The following PAK5 variants were observed in gnomAD, a reference collection of about 807,000 sequenced individuals.
The protein encoded by PAK5 is p21 (RAC1) activated kinase 5, also known as serine/threonine-protein kinase PAK 5.
A neutral mutation model predicts 65.9 loss-of-function variants in PAK5; 16 were observed. The ratio of observed to expected loss-of-function variants is 0.24; its 90% CI spans 0.16 to 0.37. PAK5 has a LOEUF of 0.37. Among genes scored for constraint, PAK5 ranks in the 10% least tolerant of loss-of-function variants. PAK5 has a pLI of 1.00. For synonymous variants in PAK5, 371 were observed against 354.9 expected (o/e 1.05, Z -0.51); for missense variants, 785 against 903.9 (o/e 0.87, Z 1.69).
At chr20:9,832,435 G>T (rs537539106) in intron 1 of PAK5, among the ~76,000 whole-genome samples, 2 of 152,170 alleles carry the variant, frequency 1.3e-5, no homozygotes, top group East Asian at 3.9e-4. Flanking sequence ...ACCACACCCA[G>T]CTATTTTTTT....
intron 3 of PAK5, among the ~76,000 whole-genome samples, chr20:9,606,412 G>A (rs748503206): frequency 2.6e-5 from 4 of 152,176 alleles, no homozygotes; most frequent in Non-Finnish European, 5.9e-5. Flanking sequence ...CCCAGTCTTA[G>A]TTAATTTTTT....
At chr20:9,740,246 G>A (rs1450432154) in intron 1 of PAK5, among the ~76,000 whole-genome samples, 1 of 152,110 alleles carries the variant, frequency 6.6e-6, no homozygotes, top group Non-Finnish European at 1.5e-5. Context: ...GATTAGAAGG[G>A]AGCCTGGCAG....
At chr20:9,835,622 T>C (rs2049454132) in intron 1 of PAK5, among the ~76,000 whole-genome samples, 1 of 152,178 alleles carries the variant, frequency 6.6e-6, no homozygotes, top group African/African-American at 2.4e-5. Flanking sequence ...AGGAAGTTAT[T>C]CTAGTGGTCC....
intron 2 of PAK5, among the ~76,000 whole-genome samples, chr20:9,707,398 C>T (rs2048022327): frequency 6.6e-6 from 1 of 152,220 alleles, no homozygotes; most frequent in African/African-American, 2.4e-5. Flanking sequence ...GCATGGCCCC[C>T]AGCCCCTTCT....
At chr20:9,800,053 T>G (rs983100091) in intron 1 of PAK5, among the ~76,000 whole-genome samples, 1 of 151,446 alleles carries the variant, frequency 6.6e-6, no homozygotes, top group Non-Finnish European at 1.5e-5. Context: ...AAGATTCAAG[T>G]GTAGAATTTA....
At chr20:9,642,235 A>T (rs1219392225) in intron 3 of PAK5, among the ~76,000 whole-genome samples, 1 of 152,148 alleles carries the variant, frequency 6.6e-6, no homozygotes, top group Non-Finnish European at 1.5e-5. Context: ...CGCCACACTG[A>T]CTTCCACAAT....
intron 3 of PAK5, among the ~76,000 whole-genome samples, chr20:9,634,057 A>G (rs2046955045): frequency 6.6e-6 from 1 of 152,084 alleles, no homozygotes; most frequent in East Asian, 1.9e-4. Context: ...TTGGCAGGAG[A>G]TTACAGTTAC....
chr20:9,601,614 C>T (rs574449868), intron 3 of PAK5, among the ~76,000 whole-genome samples: 11 of 152,220 alleles, frequency 7.2e-5, no homozygotes, highest in Admixed American at 3.3e-4. Context: ...TATATCTCAC[C>T]GTCTGCATGT....
intron 4 of PAK5, among the ~76,000 whole-genome samples, chr20:9,568,054 A>G (rs2045712544): frequency 6.6e-6 from 1 of 152,166 alleles, no homozygotes; most frequent in South Asian, 2.1e-4. Context: ...GCTATAGTGG[A>G]GTGTGTCCAC....
At position 9,542,632 on chromosome 20, in the gene PAK5, C is replaced by T. The variant is rs763590647; in HGVS notation, c.1958G>A (p.Arg653Gln). The change falls in exon 9 of 10, where the codon CGG becomes CAG. Residue 653 changes from arginine (R) to glutamine (Q), a missense_variant. By Grantham distance (43) the Arg-to-Gln change is conservative (BLOSUM62 1). Transcript: ENST00000353224. Reference sequence around the variant, plus strand: ...TGGAGGTAAACTGTCCCGGATCCTCCGCATCGCCTGGAGGGGAGGCTCATT... The same window carrying T: ...TGGAGGTAAACTGTCCCGGATCCTCTGCATCGCCTGGAGGGGAGGCTCATT... ...YFNEPPLQAMRRIRDSLPPRV... is the reference protein window; with the variant it reads ...YFNEPPLQAMQRIRDSLPPRV... 7.2e-5 allele frequency: 117 copies of T among 1,613,970 alleles called. No individual in the cohort carries two copies. Among genetic ancestry groups the T allele is most frequent in the Non-Finnish European group, 9.7e-5 (114 of 1,179,970 alleles).
rs567400108 is a variant in PAK5, at chr20:9,695,526, A to G, written c.-12+15760T>C. Among the ~76,000 whole-genome samples the G allele has an allele frequency of 1.3e-3, 191 of 152,158 alleles. 1 individual carries two copies. Among genetic ancestry groups the G allele is most frequent in the Middle Eastern group, 0.01 (3 of 294 alleles). ...GCAACTGGAGCTTGAATGGATTCTA[A>G]AAAGGGAAATGCAGTGACCTTTAAT... On this transcript the variant is annotated intron_variant, in intron 2 of 9. Transcript: ENST00000353224.
chr20:9,572,068 T>G (rs1024695550), intron 4 of PAK5, among the ~76,000 whole-genome samples: 5 of 151,396 alleles, frequency 3.3e-5, no homozygotes, highest in African/African-American at 1.2e-4. Context: ...TTAAGGGTTT[T>G]TTTTTTTTTT....
In PAK5 at chr20:9,787,984, G is replaced by GT. The variant is rs1003087929; in HGVS notation, c.-162+50777_-162+50778insA. ...TCCAGCCCATGTGTCTGTGTGTGTT[G>GT]GGGGGGGTATGTGTGAGTACCCATA... On this transcript the variant is annotated intron_variant, in intron 1 of 9. Transcript: ENST00000353224. Among the ~76,000 whole-genome samples the GT allele has an allele frequency of 8.3e-4, 10 of 12,050 alleles. 1 individual carries two copies. Among genetic ancestry groups the GT allele is most frequent in the South Asian group, 7.9e-3 (3 of 382 alleles). 7.9% of individuals were successfully genotyped at this position (12,050 alleles called of 152,430 possible).
rs756044383 is a variant in PAK5 at position 9,838,254 on chromosome 20, G to C, written c.-162+508C>G. Reference sequence around the variant, plus strand: ...CAAAGGAAAACACAGCCTCATAAAGGCTCAGCTATTGCATCCTCCAGTCCA... The same window carrying C: ...CAAAGGAAAACACAGCCTCATAAAGCCTCAGCTATTGCATCCTCCAGTCCA... On this transcript the variant is annotated intron_variant, in intron 1 of 9. Coordinates refer to ENST00000353224, the MANE Select transcript of PAK5 (RefSeq NM_177990.4). The surrounding 1 kb of genome is among the most constrained non-coding windows in gnomAD (Gnocchi z 4.5). 1.3e-5 allele frequency among the ~76,000 whole-genome samples: 2 copies of C among 151,864 alleles called. No homozygotes were observed. The highest frequency in any genetic ancestry group is 2.1e-4 in the South Asian group (1 of 4,818).
chr20:9,737,622 TA>T (rs1056963054), intron 1 of PAK5, among the ~76,000 whole-genome samples: 5 of 151,942 alleles, frequency 3.3e-5, no homozygotes, highest in Admixed American at 2.0e-4. Flanking sequence ...TAGTAATAAT[TA>T]AAAAAAAGCA....
At chr20:9,749,121 C>T (rs1349898416) in intron 1 of PAK5, among the ~76,000 whole-genome samples, 1 of 151,970 alleles carries the variant, frequency 6.6e-6, no homozygotes, top group Non-Finnish European at 1.5e-5. Context: ...AAGAAATAAC[C>T]CCATAGCTGT....
chr20:9,723,581 C>T (rs1460724707), intron 1 of PAK5, among the ~76,000 whole-genome samples: 2 of 152,142 alleles, frequency 1.3e-5, no homozygotes, highest in East Asian at 1.9e-4. Context: ...TGATTTGCTC[C>T]ATGGGACATT....
chr20:9,835,573 A>C (rs1250367453), intron 1 of PAK5, among the ~76,000 whole-genome samples: 1 of 152,122 alleles, frequency 6.6e-6, no homozygotes, highest in Admixed American at 6.5e-5. Flanking sequence ...CTCTGGATGA[A>C]GGATTAGAAG....
chr20:9,562,061 C>T (rs1257916940), intron 6 of PAK5, among the ~76,000 whole-genome samples: 1 of 152,184 alleles, frequency 6.6e-6, no homozygotes, highest in Non-Finnish European at 1.5e-5. Flanking sequence ...TGCCCTTTTC[C>T]TCCTACTTGC....
Sources: gnomAD v4.1 joint callset for allele counts (sites outside exome capture counted in the v4.1 genomes callset) on GRCh38, gnomAD v4.1.1 for gene constraint, Gnocchi (gnomAD v3.1) non-coding constraint, MANE v1.5 for transcripts, NCBI Gene and HGNC (gene_info 2026-07-23, HGNC 2026-07-21) for gene names.